NEU1: variants seen among roughly 807,000 people sequenced by gnomAD.
NEU1 encodes neuraminidase 1.
In NEU1, 32 loss-of-function variants were observed where a neutral mutation model predicts 38.3. The observed-to-expected ratio is 0.84, with a 90% CI of 0.63 to 1.12. The LOEUF (loss-of-function observed/expected upper bound fraction) is 1.12. Among genes scored for constraint, NEU1 ranks in the 50% most tolerant of loss-of-function variants. NEU1 has a pLI of 0.00. For synonymous variants in NEU1, 192 were observed against 225.2 expected (o/e 0.85, Z 1.32); for missense variants, 431 against 549.2 (o/e 0.78, Z 2.15).
Position 31,860,609 on chromosome 6 carries a change from G to C in NEU1, c.628C>G (p.Pro210Ala), listed in dbSNP as rs151177689. 1.2e-6 allele frequency: 2 copies of C among 1,613,564 alleles called. No homozygotes were observed. The highest frequency in any genetic ancestry group is 2.2e-5 in the East Asian group (1 of 44,888). Residue 210 changes from proline to alanine, a missense_variant, in exon 4 of 6, where the codon CCA (proline) becomes GCA (alanine). By Grantham distance (27) the Pro-to-Ala change is conservative. Transcript: ENST00000375631. This position sits in a 1 kb window ranked among gnomAD's most constrained non-coding sequence, Gnocchi z 4.8. ...PGSGIQKQRE[P>A]RKGRLIVCGH... ...CACACGATGAGGCGGCCCTTCCGTG[G>C]CTCCCGCTGTTTCTGTGGGAAAGGG...
chr6:31,857,820 T>C lies in NEU1; in HGVS notation c.*1899A>G, dbSNP rs1261952922. The C allele has an allele frequency of 6.6e-6, 1 of 152,176 alleles. No homozygotes were observed. Among genetic ancestry groups the C allele is most frequent in the Non-Finnish European group, 1.5e-5 (1 of 68,028 alleles). 9.4% of individuals were successfully genotyped at this position (152,176 alleles called of 1,614,324 possible). On this transcript the variant is annotated 3_prime_UTR_variant, in exon 6 of 6. Coordinates refer to ENST00000375631, the MANE Select transcript of NEU1 (RefSeq NM_000434.4). ...CTGCATTTCACACACTTGCACCCTATTTCATGGAGGATGGTATCCTACCCC... is the reference window on the plus strand; with the variant it reads ...CTGCATTTCACACACTTGCACCCTACTTCATGGAGGATGGTATCCTACCCC...
Position 31,859,797 on chromosome 6 carries a change from G to C in NEU1, c.1170C>G (p.Tyr390Ter), listed in dbSNP as rs746607723. 13 of 1,612,930 alleles carry C rather than the reference G, an allele frequency of 8.1e-6. No individual in the cohort carries two copies. Among genetic ancestry groups the C allele is most frequent in the African/African-American group, 1.3e-5 (1 of 74,924 alleles). ...MDGEEQAPQL[Y>*]VLYEKGRNHY... ...GGTTCCGGCCTTTCTCATACAGGAC[G>C]TAGAGCTGGGGGGCCTGCTCCTCTC... Residue 390 changes from tyrosine (Y) to a stop codon, truncating the protein, a stop_gained, in exon 6 of 6, where the codon TAC (tyrosine) becomes TAG (stop). Coordinates refer to ENST00000375631, the MANE Select transcript of NEU1 (RefSeq NM_000434.4). LOFTEE classifies it high-confidence loss of function.
In NEU1 at chr6:31,858,286, T is replaced by C. The variant is rs1428790720; in HGVS notation, c.*1433A>G. ...AGCAGTTTGAGACCAACCTAGGCAA[T>C]ATAGTGAGACTTTGTCTCTACTAAA... On this transcript the variant is annotated 3_prime_UTR_variant, in exon 6 of 6. Coordinates refer to ENST00000375631, the MANE Select transcript of NEU1 (RefSeq NM_000434.4). 1 of 151,896 alleles carries C rather than the reference T, an allele frequency of 6.6e-6. No homozygotes were observed. The highest frequency in any genetic ancestry group is 1.5e-5 in the Non-Finnish European group (1 of 67,992). The allele number at this position is 151,896 out of a possible 1,614,324, so 9.4% of individuals were successfully genotyped here.
chr6:31,859,643 C>T lies in NEU1; in HGVS notation c.*76G>A. The T allele has an allele frequency of 6.9e-7, 1 of 1,450,678 alleles. No homozygotes were observed. Among genetic ancestry groups the T allele is most frequent in the Admixed American group, 1.7e-5 (1 of 59,026 alleles). 89.9% of individuals were successfully genotyped at this position (1,450,678 alleles called of 1,614,324 possible). On this transcript the variant is annotated 3_prime_UTR_variant, in exon 6 of 6. Coordinates refer to ENST00000375631, the MANE Select transcript of NEU1 (RefSeq NM_000434.4). ...GATGGAACTGTCTTTCAGGCGTCTC[C>T]AGCAGACCCTCTACAGACCCGTGTT...
rs1362980803 is a variant in NEU1 at position 31,860,046 on chromosome 6, C to T, written c.1017G>A (p.Glu339=). The change falls in exon 5 of 6, where the codon GAG becomes GAA. Residue 339 remains glutamate (E), a synonymous_variant. Coordinates refer to ENST00000375631, the MANE Select transcript of NEU1 (RefSeq NM_000434.4). This position sits in a 1 kb window ranked among gnomAD's most constrained non-coding sequence, Gnocchi z 4.8. ...CCCCACCCATGAGGCACTCACGGAA[C>T]TCTGGATGTGCTGGGTTGGAGAAGA... ...IVFFSNPAHP[E]FRVNLTLRWS... 6 of 1,612,828 alleles carry T rather than the reference C, an allele frequency of 3.7e-6. No individual in the cohort carries two copies. Among genetic ancestry groups the T allele is most frequent in the Non-Finnish European group, 5.1e-6 (6 of 1,180,002 alleles).
chr6:31,862,588 G>C lies in NEU1; in HGVS notation c.159+30C>G. 4 of 1,612,972 alleles carry C rather than the reference G, an allele frequency of 2.5e-6. No individual in the cohort carries two copies. Among genetic ancestry groups the C allele is most frequent in the Non-Finnish European group, 2.5e-6 (3 of 1,179,968 alleles). Reference sequence around the variant, plus strand: ...TAGGTGTCGATCACCTGCGCGGGTCGGGGATGGGGCTATGCAAAGGGTGAC... The same window carrying C: ...TAGGTGTCGATCACCTGCGCGGGTCCGGGATGGGGCTATGCAAAGGGTGAC... On this transcript the variant is annotated intron_variant, in intron 1 of 5. Coordinates refer to ENST00000375631, the MANE Select transcript of NEU1 (RefSeq NM_000434.4). The surrounding 1 kb of genome is among the most constrained non-coding windows in gnomAD (Gnocchi z 6.3).
At position 31,862,515 on chromosome 6, in the gene NEU1, G is replaced by C. The variant is rs890429425; in HGVS notation, c.159+103C>G. 5.9e-6 allele frequency: 9 copies of C among 1,516,716 alleles called. No homozygotes were observed. Among genetic ancestry groups the C allele is most frequent in the Non-Finnish European group, 1.8e-6 (2 of 1,095,004 alleles). 94.0% of individuals were successfully genotyped at this position (1,516,716 alleles called of 1,614,324 possible). A position where few individuals can be genotyped will look rare whatever the true frequency, so the allele number is the denominator to read the frequency against. On this transcript the variant is annotated intron_variant, in intron 1 of 5. Coordinates refer to ENST00000375631, the MANE Select transcript of NEU1 (RefSeq NM_000434.4). This position sits in a 1 kb window ranked among gnomAD's most constrained non-coding sequence, Gnocchi z 6.3. ...AAACGGGGTCTGGGAGAAAGAAAAG[G>C]GTCCTGTCGCGGAAAGTCGGCTCAG...
Position 31,861,342 on chromosome 6 carries a change from A to G in NEU1, c.461T>C (p.Phe154Ser), listed in dbSNP as rs764206742. ...GGCCTTGTGAGCACAAAGGGAGTAG[A>G]AAAGAAATACTACTCCTGTCTCAAC... ...SDVETGVVFL[F>S]YSLCAHKAGC... is the part of the protein sequence containing the mutation. The change falls in exon 3 of 6, where the codon TTC (phenylalanine) becomes TCC (serine). Residue 154 changes from phenylalanine to serine, a missense_variant. By Grantham distance (155) the Phe-to-Ser change is radical (BLOSUM62 -2). Transcript: ENST00000375631. 5 of 1,613,020 alleles carry G rather than the reference A, an allele frequency of 3.1e-6. No homozygotes were observed. In the Admixed American group the frequency reaches 8.3e-5, roughly 27 times the overall value.
chr6:31,862,644 A>G lies in NEU1; in HGVS notation c.133T>C (p.Ser45Pro). Residue 45 changes from serine (S) to proline (P), a missense_variant, in exon 1 of 6, where the codon TCC (serine) becomes CCC (proline). By Grantham distance (74) the Ser-to-Pro change is moderately conservative. Coordinates refer to ENST00000375631, the MANE Select transcript of NEU1 (RefSeq NM_000434.4). This position sits in a 1 kb window ranked among gnomAD's most constrained non-coding sequence, Gnocchi z 6.3. ...AGACCGAAGTCGTTCTCAGCCTTGG[A>G]CCAGGAGGCTGCCAGAGACAGCAGC... ...FLLLSLAASW[S>P]KAENDFGLVQ... 6.2e-7 allele frequency: 1 copy of G among 1,613,060 alleles called. No individual in the cohort carries two copies. Among genetic ancestry groups the G allele is most frequent in the Non-Finnish European group, 8.5e-7 (1 of 1,180,030 alleles).
intron 2 of NEU1, 122 bp downstream of exon 2, chr6:31,861,877 C>T: frequency 9.1e-7 from 1 of 1,104,008 alleles, no homozygotes; most frequent in Non-Finnish European, 1.4e-6. Context: ...CGGGTTCCCT[C>T]TACCCCTCAG....
chr6:31,861,736 T>C (rs1196614563), intron 2 of NEU1: 1 of 619,346 alleles, frequency 1.6e-6, no homozygotes, highest in Non-Finnish European at 2.8e-6. Flanking sequence ...GTTTTGTTCG[T>C]GGCTATATTC....
At chr6:31,861,563 C>T (rs1762514803) in intron 2 of NEU1, 113 bp from the exon 3 acceptor site, 1 of 1,365,634 alleles carries the variant, frequency 7.3e-7, no homozygotes. Context: ...CCGATGGTCC[C>T]AGGGTGCAAT....
In NEU1 at chr6:31,860,947, C is replaced by T; in HGVS notation, c.615+241G>A. On this transcript the variant is annotated intron_variant, in intron 3 of 5. Coordinates refer to ENST00000375631, the MANE Select transcript of NEU1 (RefSeq NM_000434.4). This position sits in a 1 kb window ranked among gnomAD's most constrained non-coding sequence, Gnocchi z 4.8. ...AGAGGCAGTGCCTTTTTCTACTTTGCATGAGGGTATTGCATGGACTAACGC... is the reference window on the plus strand; with the variant it reads ...AGAGGCAGTGCCTTTTTCTACTTTGTATGAGGGTATTGCATGGACTAACGC... The T allele has an allele frequency of 1.6e-6, 1 of 627,208 alleles. No individual in the cohort carries two copies. The highest frequency in any genetic ancestry group is 2.8e-6 in the Non-Finnish European group (1 of 361,410). 38.9% of individuals were successfully genotyped at this position (627,208 alleles called of 1,614,324 possible).
At position 31,859,905 on chromosome 6, in the gene NEU1, G is replaced by A; in HGVS notation, c.1062C>T (p.Thr354=). 6.2e-7 allele frequency: 1 copy of A among 1,613,048 alleles called. No homozygotes were observed. The highest frequency in any genetic ancestry group is 8.5e-7 in the Non-Finnish European group (1 of 1,180,032). Reference sequence around the variant, plus strand: ...GCTGGACTGTCTCTTTCCGCCATGAGGTACCATTGCTGAAGCTCCATCGCA... The same window carrying A: ...GCTGGACTGTCTCTTTCCGCCATGAAGTACCATTGCTGAAGCTCCATCGCA... ...LTLRWSFSNG[T]SWRKETVQLW... is the part of the protein sequence containing the mutation. The change falls in exon 6 of 6, where the codon ACC becomes ACT. Residue 354 remains threonine (T), a synonymous_variant. Coordinates refer to ENST00000375631, the MANE Select transcript of NEU1 (RefSeq NM_000434.4).
chr6:31,860,184 G>A lies in NEU1; in HGVS notation c.879C>T (p.Leu293=), dbSNP rs1384004149. Residue 293 remains leucine (L), a synonymous_variant, in exon 5 of 6, where the codon CTC becomes CTT. Transcript: ENST00000375631. This position sits in a 1 kb window ranked among gnomAD's most constrained non-coding sequence, Gnocchi z 4.8. ...GTGTATCACAGGCATCATAGCTGCG[G>A]AGGACAATTCGGCAGTGGCAGTGGT... ...NNYHCHCRIV[L]RSYDACDTLR... 2 of 1,612,940 alleles carry A rather than the reference G, an allele frequency of 1.2e-6. No homozygotes were observed. The highest frequency in any genetic ancestry group is 1.7e-6 in the Non-Finnish European group (2 of 1,180,024).
chr6:31,859,739 T>C lies in NEU1; in HGVS notation c.1228A>G (p.Ser410Gly), dbSNP rs761904571. Residue 410 changes from serine to glycine, a missense_variant, in exon 6 of 6, where the codon AGT becomes GGT. Coordinates refer to ENST00000375631, the MANE Select transcript of NEU1 (RefSeq NM_000434.4). Reference sequence around the variant, plus strand: ...ACAGCTCAGAGTGTCCCATAGACACTGATTTTGGCCACGGAGATGCTCTCT... The same window carrying C: ...ACAGCTCAGAGTGTCCCATAGACACCGATTTTGGCCACGGAGATGCTCTCT... Reference protein sequence around the residue: ...YTESISVAKISVYGTL With the variant: ...YTESISVAKIGVYGTL 1 of 1,612,916 alleles carries C rather than the reference T, an allele frequency of 6.2e-7. No individual in the cohort carries two copies. Among genetic ancestry groups the C allele is most frequent in the South Asian group, 1.1e-5 (1 of 91,084 alleles).
intron 3 of NEU1, 109 bp downstream of exon 3, chr6:31,861,079 C>T: frequency 6.5e-7 from 1 of 1,532,888 alleles, no homozygotes; most frequent in Middle Eastern, 2.3e-4. Context: ...CCACCCAAGC[C>T]AGAAAATCTG....
Position 31,861,402 on chromosome 6 carries a change from G to A in NEU1, c.401C>T (p.Pro134Leu). 1 of 1,612,896 alleles carries A rather than the reference G, an allele frequency of 6.2e-7. No individual in the cohort carries two copies. Among genetic ancestry groups the A allele is most frequent in the Non-Finnish European group, 8.5e-7 (1 of 1,180,020 alleles). ...TAFIVNDGDV[P>L]DGLNLGAVVS... is the part of the protein sequence containing the mutation. Reference sequence around the variant, plus strand: ...TACTGCCCCAAGGTTCAGCCCATCGGGGACATCCCCATCATTGACAATGAA... The same window carrying A: ...TACTGCCCCAAGGTTCAGCCCATCGAGGACATCCCCATCATTGACAATGAA... The change falls in exon 3 of 6, where the codon CCC becomes CTC. Residue 134 changes from proline to leucine, a missense_variant. Pro to Leu is a moderately conservative substitution (Grantham distance 98). Coordinates refer to ENST00000375631, the MANE Select transcript of NEU1 (RefSeq NM_000434.4).
At position 31,859,955 on chromosome 6, in the gene NEU1, G is replaced by A; in HGVS notation, c.1022-10C>T. The A allele has an allele frequency of 6.2e-7, 1 of 1,612,746 alleles. No individual in the cohort carries two copies. The highest frequency in any genetic ancestry group is 1.1e-5 in the South Asian group (1 of 91,082). ...AGGGTCAGGTTCACTCCTGGGGAGAGCAGGAGAGTCAGGGAGAGAGGGTCT... is the reference window on the plus strand; with the variant it reads ...AGGGTCAGGTTCACTCCTGGGGAGAACAGGAGAGTCAGGGAGAGAGGGTCT... On this transcript the variant is annotated splice_polypyrimidine_tract_variant and intron_variant, in intron 5 of 5. Coordinates refer to ENST00000375631, the MANE Select transcript of NEU1 (RefSeq NM_000434.4).
Sources: allele counts gnomAD v4.1 joint callset, GRCh38; gene constraint gnomAD v4.1.1; non-coding constraint Gnocchi (gnomAD v3.1); transcripts MANE v1.5; gene names NCBI Gene and HGNC (gene_info 2026-07-23, HGNC 2026-07-21).